Variants in RYR2 observed in about 807,000 individuals in gnomAD.
RYR2 encodes ryanodine receptor 2.
Under a neutral mutation model 601.1 loss-of-function variants are expected in RYR2, and 227 were observed. The ratio of observed to expected loss-of-function variants is 0.38; its 90% CI spans 0.34 to 0.42. RYR2 has a LOEUF of 0.42. Among genes scored for constraint, RYR2 ranks in the 10% least tolerant of loss-of-function variants. The pLI, the probability that RYR2 is intolerant of heterozygous loss-of-function variation, is 1.00. For synonymous variants in RYR2, 2,223 were observed against 2,175.1 expected, an observed-to-expected ratio of 1.02 and a Z score of -0.61; for missense variants, 4,646 against 6,156.5, an observed-to-expected ratio of 0.75 and a Z score of 8.21.
At chr1:237,127,402 C>T (rs1167858053) in intron 1 of RYR2, among the ~76,000 whole-genome samples, 1 of 149,550 alleles carries the variant, frequency 6.7e-6, no homozygotes, top group African/African-American at 2.5e-5. Context: ...GGGCGGCTGG[C>T]CGGGCGGGGG....
At chr1:237,229,392 G>A (rs1036787710) in intron 1 of RYR2, among the ~76,000 whole-genome samples, 3 of 152,166 alleles carry the variant, frequency 2.0e-5, no homozygotes, top group Admixed American at 1.3e-4. Context: ...TTACTTGAAT[G>A]AAGGACGTCG....
chr1:237,115,239 C>A (rs573045154), intron 1 of RYR2, among the ~76,000 whole-genome samples: 30 of 152,114 alleles, frequency 2.0e-4, no homozygotes, highest in Non-Finnish European at 3.7e-4. Flanking sequence ...AAACCACACC[C>A]CCCCCCTTGC....
At chr1:237,246,992 C>T (rs943188559) in intron 1 of RYR2, among the ~76,000 whole-genome samples, 7 of 152,214 alleles carry the variant, frequency 4.6e-5, no homozygotes, top group Non-Finnish European at 1.0e-4. Flanking sequence ...TGTGGTCCTA[C>T]ATATTATTTT....
chr1:237,811,085 A>G (rs867054332), intron 100 of RYR2, among the ~76,000 whole-genome samples: 3 of 152,216 alleles, frequency 2.0e-5, no homozygotes, highest in Middle Eastern at 3.4e-3. Flanking sequence ...TCTTTTTACC[A>G]TAGGTATTTT....
intron 1 of RYR2, among the ~76,000 whole-genome samples, chr1:237,073,162 G>A (rs76090957): frequency 0.029 from 4,437 of 152,256 alleles, 106 homozygotes; most frequent in East Asian, 0.089. Flanking sequence ...TTTTATCCTG[G>A]AGTCTTTAGT....
chr1:237,234,801 A>G (rs965874358), intron 1 of RYR2, among the ~76,000 whole-genome samples: 1 of 151,412 alleles, frequency 6.6e-6, no homozygotes, highest in Non-Finnish European at 1.5e-5. Context: ...TGGGGTTACT[A>G]TTTTCCAAGG....
At chr1:237,312,945 C>T (rs983389555) in intron 2 of RYR2, among the ~76,000 whole-genome samples, 7 of 152,014 alleles carry the variant, frequency 4.6e-5, no homozygotes, top group Non-Finnish European at 1.0e-4. Flanking sequence ...AAACAAAACA[C>T]CAAGATAGAC....
chr1:237,583,549 G>A (rs187100845), intron 29 of RYR2, among the ~76,000 whole-genome samples: 5 of 152,246 alleles, frequency 3.3e-5, no homozygotes, highest in African/African-American at 7.2e-5. Flanking sequence ...TAGGCCACAA[G>A]CAGCTAGCTG....
intron 1 of RYR2, among the ~76,000 whole-genome samples, chr1:237,211,519 A>T (rs1435819730): frequency 6.6e-6 from 1 of 152,224 alleles, no homozygotes; most frequent in Admixed American, 6.5e-5. Context: ...TACGTGGTAC[A>T]GCTGGGATGA....
At chr1:237,633,481 A>G in intron 42 of RYR2, 97 bp from the exon 43 acceptor site, 1 of 1,436,834 alleles carries the variant, frequency 7.0e-7, no homozygotes. Context: ...ACACATGGAC[A>G]CACGGGGATT....
At chr1:237,115,685 C>T (rs1031999716) in intron 1 of RYR2, among the ~76,000 whole-genome samples, 1 of 152,152 alleles carries the variant, frequency 6.6e-6, no homozygotes, top group East Asian at 1.9e-4. Context: ...TCAAAATAGA[C>T]GCGTGAAGGT....
chr1:237,669,392 T>C (rs1434351839), intron 58 of RYR2, among the ~76,000 whole-genome samples: 2 of 151,990 alleles, frequency 1.3e-5, no homozygotes, highest in African/African-American at 2.4e-5. Flanking sequence ...AGCTGTTGGG[T>C]ACACCTCCCA....
chr1:237,657,688 T>C (rs1361738404), intron 53 of RYR2, among the ~76,000 whole-genome samples: 1 of 151,562 alleles, frequency 6.6e-6, no homozygotes, highest in Non-Finnish European at 1.5e-5. Context: ...ATTGTTATTA[T>C]AGTTTTATAA....
chr1:237,465,957 ATTAC>A (rs2150284408), intron 16 of RYR2, among the ~76,000 whole-genome samples: 1 of 152,322 alleles, frequency 6.6e-6, no homozygotes, highest in East Asian at 1.9e-4. Context: ...TAGTGTAGAA[ATTAC>A]TTATTTATTG....
chr1:237,412,606 T>A (rs1001964122), intron 10 of RYR2, among the ~76,000 whole-genome samples: 1 of 152,202 alleles, frequency 6.6e-6, no homozygotes, highest in Non-Finnish European at 1.5e-5. Context: ...TCTCAGTAGC[T>A]GTAACACTGT....
intron 2 of RYR2, among the ~76,000 whole-genome samples, chr1:237,275,481 A>T: frequency 6.7e-6 from 1 of 148,880 alleles, no homozygotes; most frequent in East Asian, 1.9e-4. Flanking sequence ...AAACTTTGAG[A>T]CAAAGAAGGA....
At chr1:237,338,610 G>A (rs574001515) in intron 3 of RYR2, among the ~76,000 whole-genome samples, 38 of 152,254 alleles carry the variant, frequency 2.5e-4, no homozygotes, top group Admixed American at 5.2e-4. Flanking sequence ...AGCCTGTTCA[G>A]TCTTTGGCTA....
chr1:237,061,019 A>G (rs1038338954), intron 1 of RYR2, among the ~76,000 whole-genome samples: 1 of 152,136 alleles, frequency 6.6e-6, no homozygotes, highest in Non-Finnish European at 1.5e-5. Flanking sequence ...GTACTTAGTA[A>G]ATGTTGGTTT....
At chr1:237,802,925 A>C (rs1398695718) in intron 98 of RYR2, among the ~76,000 whole-genome samples, 1 of 152,182 alleles carries the variant, frequency 6.6e-6, no homozygotes, top group African/African-American at 2.4e-5. Context: ...GTCTTTCCTT[A>C]GACAGCGTTC....
Sources: gnomAD v4.1 joint callset for allele counts (sites outside exome capture counted in the v4.1 genomes callset) on GRCh38, gnomAD v4.1.1 for gene constraint, MANE v1.5 for transcripts, NCBI Gene and HGNC (gene_info 2026-07-23, HGNC 2026-07-21) for gene names.